Variants in IGSF10 observed in about 807,000 individuals in gnomAD.
IGSF10 encodes the protein immunoglobulin superfamily member 10.
IGSF10 carries 126 observed loss-of-function variants against 128.2 expected under a neutral mutation model. That is an observed-to-expected ratio of 0.98 (90% confidence interval 0.85 to 1.14). IGSF10 has a LOEUF of 1.14. Among genes scored for constraint, IGSF10 ranks in the 50% most tolerant of loss-of-function variants. The pLI is 0.00. For missense variants in IGSF10, 3,295 were observed against 3,149.8 expected, an observed-to-expected ratio of 1.05 and a Z score of -1.10; for synonymous variants, 1,185 against 1,146.2, an observed-to-expected ratio of 1.03 and a Z score of -0.68.
At chr3:151,484,314 GA>G in the IGSF10 span, among the ~76,000 whole-genome samples, 1 of 152,204 alleles carries the variant, frequency 6.6e-6, no homozygotes, top group Non-Finnish European at 1.5e-5. Flanking sequence ...GGGACTTATA[GA>G]TAAAAACCCC....
At chr3:151,483,425 G>A in the IGSF10 span, among the ~76,000 whole-genome samples, 1 of 152,050 alleles carries the variant, frequency 6.6e-6, no homozygotes, top group Admixed American at 6.5e-5. Flanking sequence ...AAAAACTACA[G>A]CAGATATACA....
the IGSF10 span, among the ~76,000 whole-genome samples, chr3:151,583,190 T>C: frequency 6.6e-6 from 1 of 152,012 alleles, no homozygotes; most frequent in Non-Finnish European, 1.5e-5. Flanking sequence ...CTTTATTATT[T>C]GTTCTTTCTT....
At chr3:151,492,538 C>T in the IGSF10 span, among the ~76,000 whole-genome samples, 17 of 152,116 alleles carry the variant, frequency 1.1e-4, no homozygotes, top group South Asian at 1.2e-3. Flanking sequence ...AGTTTGAGAC[C>T]GGCCTGACAC....
the IGSF10 span, among the ~76,000 whole-genome samples, chr3:151,487,138 A>G: frequency 6.6e-6 from 1 of 152,214 alleles, no homozygotes; most frequent in Non-Finnish European, 1.5e-5. Flanking sequence ...ATAAAAAATG[A>G]CAAAGAGAAT....
At position 151,437,458 on chromosome 3, in the gene IGSF10, T is replaced by G. The variant is rs138293252; in HGVS notation, c.7103A>C (p.Glu2368Ala). The G allele has an allele frequency of 6.0e-5, 97 of 1,614,208 alleles. No homozygotes were observed. In the African/African-American group the frequency reaches 1.1e-3, roughly 19 times the overall value. Residue 2368 changes from glutamate to alanine, a missense_variant, in exon 8 of 8, where the codon GAA becomes GCA. Coordinates refer to ENST00000282466, the MANE Select transcript of IGSF10 (RefSeq NM_178822.5). ...GCCATTTGGTAAAATCCAGATTATT[T>G]CAGGTGGTGGGTTACCATCAACAGA... ...NCSVDGNPPP[E>A]IIWILPNGTR...
At chr3:151,512,598 G>T in the IGSF10 span, among the ~76,000 whole-genome samples, 1 of 151,970 alleles carries the variant, frequency 6.6e-6, no homozygotes, top group Non-Finnish European at 1.5e-5. Flanking sequence ...CAGAAGGCAA[G>T]AAATAACTAA....
the IGSF10 span, among the ~76,000 whole-genome samples, chr3:151,576,921 G>A: frequency 1.4e-5 from 2 of 147,674 alleles, no homozygotes; most frequent in African/African-American, 5.4e-5. Flanking sequence ...AGCCCTTGGG[G>A]CTGCTCTACC....
At chr3:151,615,583 G>A in the IGSF10 span, among the ~76,000 whole-genome samples, 56 of 152,142 alleles carry the variant, frequency 3.7e-4, no homozygotes, top group Non-Finnish European at 4.4e-5. Flanking sequence ...AGCTTAATGA[G>A]AACCTAACAG....
At chr3:151,493,174 G>T in the IGSF10 span, among the ~76,000 whole-genome samples, 5 of 152,072 alleles carry the variant, frequency 3.3e-5, no homozygotes, top group African/African-American at 1.2e-4. Context: ...AGGGGTCAAA[G>T]AATACAAAGT....
chr3:151,439,740 A>C (rs1461805417), intron 7 of IGSF10, among the ~76,000 whole-genome samples: 1 of 152,222 alleles, frequency 6.6e-6, no homozygotes, highest in Non-Finnish European at 1.5e-5. Context: ...TGTGTGGAAT[A>C]CCATTTTTCT....
At chr3:151,496,067 T>C in the IGSF10 span, among the ~76,000 whole-genome samples, 2 of 152,132 alleles carry the variant, frequency 1.3e-5, no homozygotes, top group African/African-American at 2.4e-5. Flanking sequence ...ACACGTTGAA[T>C]ATAAGGCCTT....
Position 151,445,844 on chromosome 3 carries a change from TAGAAC to T in IGSF10, c.4132_4136del (p.Val1378AsnfsTer37). Reference sequence around the variant, plus strand: ...GCTTGACTGAAGTTTCGGCTGTGGTTAGAACAGGAGGTGTCATAGCAGTGGGTGTA... The same window carrying T: ...GCTTGACTGAAGTTTCGGCTGTGGTTAGGAGGTGTCATAGCAGTGGGTGTA... On this transcript the variant is annotated frameshift_variant, in exon 6 of 8. Transcript: ENST00000282466. LOFTEE classifies it high-confidence loss of function. 1 of 1,614,218 alleles carries T rather than the reference TAGAAC, an allele frequency of 6.2e-7. No homozygotes were observed. Among genetic ancestry groups the T allele is most frequent in the South Asian group, 1.1e-5 (1 of 91,084 alleles).
the IGSF10 span, among the ~76,000 whole-genome samples, chr3:151,594,331 C>CA: frequency 8.2e-6 from 1 of 121,520 alleles, no homozygotes; most frequent in Non-Finnish European, 1.7e-5. Context: ...ATAAAAACTG[C>CA]TTTTTTTTTT....
the IGSF10 span, among the ~76,000 whole-genome samples, chr3:151,517,054 T>C: frequency 2.0e-5 from 3 of 152,070 alleles, no homozygotes; most frequent in Admixed American, 2.0e-4. Flanking sequence ...CTTTTTTCTA[T>C]GGTTGGAAGT....
chr3:151,510,556 C>G, the IGSF10 span, among the ~76,000 whole-genome samples: 1 of 152,094 alleles, frequency 6.6e-6, no homozygotes, highest in African/African-American at 2.4e-5. Context: ...AATCAGAGTG[C>G]TTCTCCTCCT....
the IGSF10 span, among the ~76,000 whole-genome samples, chr3:151,587,283 G>C: frequency 6.6e-6 from 1 of 152,120 alleles, no homozygotes; most frequent in Non-Finnish European, 1.5e-5. Flanking sequence ...TCCTAACACA[G>C]AGAATTCACC....
At chr3:151,523,086 A>T in the IGSF10 span, among the ~76,000 whole-genome samples, 2 of 152,292 alleles carry the variant, frequency 1.3e-5, no homozygotes, top group African/African-American at 4.8e-5. Context: ...AAAGAATAAC[A>T]TACCTAAGAA....
the IGSF10 span, among the ~76,000 whole-genome samples, chr3:151,506,701 C>T: frequency 1.6e-4 from 25 of 151,928 alleles, no homozygotes; most frequent in Admixed American, 9.2e-4. Flanking sequence ...TCTGTGCTTA[C>T]GAGATATAAA....
chr3:151,440,560 G>T, intron 7 of IGSF10: 1 of 456,720 alleles, frequency 2.2e-6, no homozygotes. Flanking sequence ...TATTTAGAGA[G>T]ATTTAGCAAC....
Sources: gnomAD v4.1 joint callset for allele counts (sites outside exome capture counted in the v4.1 genomes callset) on GRCh38, gnomAD v4.1.1 for gene constraint, MANE v1.5 for transcripts, NCBI Gene and HGNC (gene_info 2026-07-23, HGNC 2026-07-21) for gene names.